The following HTR1F variants were observed in gnomAD, a reference collection of about 807,000 sequenced individuals.
HTR1F encodes 5-hydroxytryptamine receptor 1F, also known as 5-hydroxytryptamine (serotonin) receptor 1F, G protein-coupled.
HTR1F carries 17 observed loss-of-function variants against 24.0 expected under a neutral mutation model. The ratio of observed to expected loss-of-function variants is 0.71; its 90% confidence interval spans 0.48 to 1.06. The LOEUF is 1.06. Among genes scored for constraint, HTR1F ranks in the 50% least tolerant of loss-of-function variants. HTR1F has a pLI of 0.00. For synonymous variants in HTR1F, 186 were observed against 156.8 expected (o/e 1.19, Z -1.39); for missense variants, 391 against 427.8 (o/e 0.91, Z 0.76).
At chr3:87,896,052 G>T (rs953813490) in intron 2 of HTR1F, among the ~76,000 whole-genome samples, 2 of 152,164 alleles carry the variant, frequency 1.3e-5, no homozygotes, top group African/African-American at 4.8e-5. Context: ...AAAGAGAAAT[G>T]GTTGTGAATC....
At chr3:87,972,834 T>A (rs1705313406) in intron 2 of HTR1F, among the ~76,000 whole-genome samples, 1 of 149,342 alleles carries the variant, frequency 6.7e-6, no homozygotes, top group African/African-American at 2.5e-5. Context: ...CCTTGTTTCA[T>A]TTTTTTGGCT....
At chr3:87,865,951 T>A (rs1015589573) in intron 2 of HTR1F, among the ~76,000 whole-genome samples, 56 of 152,232 alleles carry the variant, frequency 3.7e-4, no homozygotes, top group African/African-American at 1.3e-3. Context: ...TTGATATCAA[T>A]CACCAGCAAT....
At chr3:87,951,217 A>G (rs1489032331) in intron 2 of HTR1F, among the ~76,000 whole-genome samples, 2 of 152,156 alleles carry the variant, frequency 1.3e-5, no homozygotes, top group East Asian at 3.8e-4. Flanking sequence ...ATACCATTCT[A>G]TCAAAGATGT....
chr3:87,953,135 G>T (rs1704870452), intron 2 of HTR1F, among the ~76,000 whole-genome samples: 1 of 151,620 alleles, frequency 6.6e-6, no homozygotes, highest in African/African-American at 2.4e-5. Flanking sequence ...CAGGACATTA[G>T]TCTAAGCAAA....
intron 2 of HTR1F, among the ~76,000 whole-genome samples, chr3:87,918,613 C>T (rs1933330370): frequency 6.6e-6 from 1 of 151,824 alleles, no homozygotes; most frequent in Admixed American, 6.6e-5. Context: ...AGAACTCAAC[C>T]CCTTTTACAA....
At position 87,986,963 on chromosome 3, in the gene HTR1F, G is replaced by A. The variant is rs556262627; in HGVS notation, c.-42-3745G>A. ...CTACTAAAAATATAGAAAATTAGCC[G>A]GGTGTGGTGACACGTGCCTGTAATT... On this transcript the variant is annotated intron_variant, in intron 2 of 2. Transcript: ENST00000319595. Among the ~76,000 whole-genome samples the A allele has an allele frequency of 1.8e-4, 27 of 151,888 alleles. No individual in the cohort carries two copies. The East Asian group carries it at 2.3e-3, about 13-fold the overall frequency.
chr3:87,871,997 G>C (rs1335323818), intron 2 of HTR1F, among the ~76,000 whole-genome samples: 7 of 152,118 alleles, frequency 4.6e-5, no homozygotes, highest in Non-Finnish European at 1.0e-4. Context: ...GGATAGGTAA[G>C]ATGTTAGGTC....
intron 2 of HTR1F, among the ~76,000 whole-genome samples, chr3:87,885,595 G>T (rs543980561): frequency 8.0e-6 from 1 of 125,578 alleles, no homozygotes; most frequent in East Asian, 2.2e-4. Flanking sequence ...TAGATTGCTA[G>T]CAAGACTAAT....
intron 2 of HTR1F, among the ~76,000 whole-genome samples, chr3:87,981,068 C>T (rs1559657370): frequency 6.6e-6 from 1 of 152,210 alleles, no homozygotes. Flanking sequence ...CTCCCGCCAG[C>T]TCCCTGAAGT....
At chr3:87,971,989 G>A (rs573123019) in intron 2 of HTR1F, among the ~76,000 whole-genome samples, 2 of 152,188 alleles carry the variant, frequency 1.3e-5, no homozygotes, top group Admixed American at 1.3e-4. Context: ...TTGTCTCCAT[G>A]GGCTTACCAA....
chr3:87,900,244 C>T (rs1193100337), intron 2 of HTR1F, among the ~76,000 whole-genome samples: 1 of 152,058 alleles, frequency 6.6e-6, no homozygotes, highest in Non-Finnish European at 1.5e-5. Flanking sequence ...GCCATTTAAA[C>T]AAAGACCTGA....
intron 2 of HTR1F, among the ~76,000 whole-genome samples, chr3:87,825,961 T>C (rs1022481699): frequency 6.6e-6 from 1 of 152,216 alleles, no homozygotes; most frequent in Non-Finnish European, 1.5e-5. Context: ...AGTTTAACTA[T>C]GTTTTACTTT....
chr3:87,900,512 T>C (rs1199066907), intron 2 of HTR1F, among the ~76,000 whole-genome samples: 1 of 152,164 alleles, frequency 6.6e-6, no homozygotes, highest in Admixed American at 6.6e-5. Context: ...CTGACTTACA[T>C]TTCAGCAGGG....
chr3:87,821,648 C>G (rs1423065588), intron 1 of HTR1F, among the ~76,000 whole-genome samples: 1 of 152,012 alleles, frequency 6.6e-6, no homozygotes, highest in East Asian at 1.9e-4. Flanking sequence ...AGCTTGTCAG[C>G]GAAACCACTG....
intron 2 of HTR1F, among the ~76,000 whole-genome samples, chr3:87,961,703 T>A (rs1705064320): frequency 6.6e-6 from 1 of 151,900 alleles, no homozygotes; most frequent in Non-Finnish European, 1.5e-5. Flanking sequence ...ACAACTTCAC[T>A]GTGTGACAAA....
intron 2 of HTR1F, among the ~76,000 whole-genome samples, chr3:87,871,257 A>G (rs1475146677): frequency 6.6e-6 from 1 of 152,058 alleles, no homozygotes; most frequent in Non-Finnish European, 1.5e-5. Context: ...GAAGAATACA[A>G]CAAATAAATG....
At chr3:87,876,498 T>G (rs1162757239) in intron 2 of HTR1F, among the ~76,000 whole-genome samples, 1 of 152,192 alleles carries the variant, frequency 6.6e-6, no homozygotes, top group Non-Finnish European at 1.5e-5. Context: ...ACGTTATACT[T>G]CATTATAGGT....
intron 2 of HTR1F, among the ~76,000 whole-genome samples, chr3:87,876,084 T>G (rs930750931): frequency 1.3e-5 from 2 of 152,062 alleles, no homozygotes; most frequent in Non-Finnish European, 2.9e-5. Flanking sequence ...GTCCACTACT[T>G]AAAAAAACAC....
chr3:87,931,476 C>T (rs1034139819), intron 2 of HTR1F, among the ~76,000 whole-genome samples: 16 of 152,254 alleles, frequency 1.1e-4, no homozygotes, highest in African/African-American at 3.9e-4. Context: ...GGTTCCAAGT[C>T]TTTGCTATTG....
Sources: gnomAD v4.1 joint callset for allele counts (sites outside exome capture counted in the v4.1 genomes callset) on GRCh38, gnomAD v4.1.1 for gene constraint, MANE v1.5 for transcripts, NCBI Gene and HGNC (gene_info 2026-07-23, HGNC 2026-07-21) for gene names.